NDUFA12: variants seen among roughly 807,000 people sequenced by gnomAD.
NDUFA12 encodes NADH:ubiquinone oxidoreductase subunit A12, also known as NADH dehydrogenase [ubiquinone] 1 alpha subcomplex subunit 12.
In NDUFA12, 17 loss-of-function variants were observed where a neutral mutation model predicts 20.3. The ratio of observed to expected loss-of-function variants is 0.84; its 90% CI spans 0.57 to 1.26. NDUFA12 has a LOEUF of 1.26. Ranked by LOEUF, NDUFA12 falls within the 50% of genes most tolerant of loss-of-function variation. NDUFA12 has a pLI of 0.00. For synonymous variants in NDUFA12, 72 were observed against 63.6 expected (o/e 1.13, Z -0.63); for missense variants, 191 against 183.7 (o/e 1.04, Z -0.23).
intron 2 of NDUFA12, among the ~76,000 whole-genome samples, chr12:94,998,703 C>G (rs1051362242): frequency 6.6e-6 from 1 of 152,082 alleles, no homozygotes; most frequent in Non-Finnish European, 1.5e-5. Context: ...TGCTGAGAAT[C>G]AAATCAAGAA....
Position 94,984,460 on chromosome 12 carries a change from C to T in NDUFA12, c.257+9710G>A, listed in dbSNP as rs117316308. ...CAGGAGAATCGCTTGAACCCAGAGGCGGAGGTTGCGGTTGAGCTGAGATTG... is the reference window on the plus strand; with the variant it reads ...CAGGAGAATCGCTTGAACCCAGAGGTGGAGGTTGCGGTTGAGCTGAGATTG... On this transcript the variant is annotated intron_variant, in intron 3 of 3. Transcript: ENST00000327772. Among the ~76,000 whole-genome samples, 77 of 151,762 alleles carry T rather than the reference C, an allele frequency of 5.1e-4. 1 individual carries two copies. In the East Asian group the frequency reaches 0.013, roughly 27 times the overall value.
intron 3 of NDUFA12, among the ~76,000 whole-genome samples, chr12:94,979,393 T>G (rs1374160490): frequency 2.0e-5 from 3 of 152,240 alleles, no homozygotes; most frequent in Non-Finnish European, 2.9e-5. Flanking sequence ...AAATTTTCTA[T>G]AGCAATTGTA....
chr12:94,982,072 C>T (rs572910776), intron 3 of NDUFA12, among the ~76,000 whole-genome samples: 8 of 152,196 alleles, frequency 5.3e-5, no homozygotes, highest in South Asian at 4.2e-4. Flanking sequence ...GAAATCTTTC[C>T]CTAGGTGAGA....
At chr12:94,995,445 C>G (rs1165286831) in intron 2 of NDUFA12, among the ~76,000 whole-genome samples, 1 of 152,186 alleles carries the variant, frequency 6.6e-6, no homozygotes, top group African/African-American at 2.4e-5. Context: ...CTAACAATCT[C>G]TCTCTCTCTC....
At chr12:95,001,472 T>A (rs952994767) in intron 2 of NDUFA12, among the ~76,000 whole-genome samples, 2 of 151,892 alleles carry the variant, frequency 1.3e-5, no homozygotes, top group Admixed American at 6.6e-5. Flanking sequence ...AAAATTTTTT[T>A]AAACAATTAG....
chr12:94,993,882 CAA>C (rs1874732084), intron 3 of NDUFA12, among the ~76,000 whole-genome samples: 1 of 152,070 alleles, frequency 6.6e-6, no homozygotes, highest in African/African-American at 2.4e-5. Flanking sequence ...TGCAGTGAGC[CAA>C]GTTTGTACCA....
intron 3 of NDUFA12, among the ~76,000 whole-genome samples, chr12:94,977,625 G>A (rs1443035453): frequency 6.6e-6 from 1 of 152,098 alleles, no homozygotes; most frequent in African/African-American, 2.4e-5. Flanking sequence ...CTATAAAGGA[G>A]TAGCAGAAGA....
intron 3 of NDUFA12, among the ~76,000 whole-genome samples, chr12:94,977,611 A>G (rs1408325937): frequency 2.0e-5 from 3 of 152,194 alleles, no homozygotes; most frequent in Admixed American, 6.5e-5. Flanking sequence ...AATTCATTAG[A>G]AAGCTATAAA....
At chr12:94,983,585 G>A (rs1171139491) in intron 3 of NDUFA12, among the ~76,000 whole-genome samples, 1 of 152,176 alleles carries the variant, frequency 6.6e-6, no homozygotes, top group Non-Finnish European at 1.5e-5. Flanking sequence ...GTGAGACCCT[G>A]AGCCTGGGGC....
rs955171956 is a variant in NDUFA12, at chr12:95,003,528, C to T, written c.86+67G>A. The stretch of plus-strand genomic sequence containing the variant: ...CTCCAAGGTGACCCGAGCCTGGGAC[C>T]CCTTCCAAGAAATCAGCCAGCGAAA... On this transcript the variant is annotated intron_variant, in intron 1 of 3. Coordinates refer to ENST00000327772, the MANE Select transcript of NDUFA12 (RefSeq NM_018838.5). 3.5e-5 allele frequency: 53 copies of T among 1,511,802 alleles called. No individual in the cohort carries two copies. The East Asian group carries it at 1.0e-3, about 29-fold the overall frequency. 93.6% of individuals were successfully genotyped at this position (1,511,802 alleles called of 1,614,324 possible). A position where few individuals can be genotyped will look rare whatever the true frequency, so the allele number is the denominator to read the frequency against.
At chr12:94,996,663 C>CA (rs1010375548) in intron 2 of NDUFA12, among the ~76,000 whole-genome samples, 36 of 151,102 alleles carry the variant, frequency 2.4e-4, no homozygotes, top group Non-Finnish European at 4.9e-4. Flanking sequence ...ACTAAAAATA[C>CA]AAAAAATTAG....
chr12:94,983,198 A>T (rs1430156044), intron 3 of NDUFA12, among the ~76,000 whole-genome samples: 1 of 152,076 alleles, frequency 6.6e-6, no homozygotes, highest in East Asian at 1.9e-4. Flanking sequence ...ATCAATCAGC[A>T]ACTCCTGCTG....
chr12:94,972,329 A>C (rs1873915431), intron 3 of NDUFA12: 1 of 313,028 alleles, frequency 3.2e-6, no homozygotes, highest in South Asian at 2.6e-5. Flanking sequence ...AATTATGGCC[A>C]CTACTGATTA....
chr12:94,972,475 A>T (rs769854178), intron 3 of NDUFA12: 15 of 454,436 alleles, frequency 3.3e-5, no homozygotes, highest in African/African-American at 2.0e-5. Context: ...GTTTAGTTTA[A>T]AACCCATGAG....
intron 3 of NDUFA12, among the ~76,000 whole-genome samples, chr12:94,984,870 C>T (rs1401581143): frequency 3.3e-5 from 5 of 150,834 alleles, no homozygotes; most frequent in African/African-American, 9.7e-5. Flanking sequence ...CCCAGCTACT[C>T]GGGCGGCTGA....
intron 2 of NDUFA12, 108 bp downstream of exon 2, chr12:95,002,631 A>C: frequency 1.2e-6 from 1 of 820,246 alleles, no homozygotes; most frequent in Non-Finnish European, 2.1e-6. Context: ...TGAGTTTTTC[A>C]TCCTTTTCCA....
At chr12:94,994,481 T>C in intron 2 of NDUFA12, 1 of 515,130 alleles carries the variant, frequency 1.9e-6, no homozygotes, top group East Asian at 3.6e-5. Context: ...GATGATTCAC[T>C]GCTGTGGGTG....
chr12:94,986,016 C>G (rs549480644), intron 3 of NDUFA12, among the ~76,000 whole-genome samples: 1 of 151,926 alleles, frequency 6.6e-6, no homozygotes, highest in African/African-American at 2.4e-5. Flanking sequence ...ACCCGGGAGG[C>G]AGAGGTTGCG....
At chr12:94,996,269 A>G (rs1366978952) in intron 2 of NDUFA12, among the ~76,000 whole-genome samples, 1 of 151,754 alleles carries the variant, frequency 6.6e-6, no homozygotes, top group Non-Finnish European at 1.5e-5. Flanking sequence ...TTGCAAAATT[A>G]TAAGGGGAGG....
Sources: allele counts gnomAD v4.1 joint callset (sites outside exome capture counted in the v4.1 genomes callset), GRCh38; gene constraint gnomAD v4.1.1; transcripts MANE v1.5; gene names NCBI Gene and HGNC (gene_info 2026-07-23, HGNC 2026-07-21).